Variants in OCA2 observed in about 807,000 individuals in gnomAD.
OCA2 encodes OCA2 melanosomal transmembrane protein, also known as P protein.
Under a neutral mutation model 100.2 loss-of-function variants are expected in OCA2, and 77 were observed. The ratio of observed to expected loss-of-function variants is 0.77; its 90% CI spans 0.64 to 0.93. OCA2 has a LOEUF of 0.93. Ranked by LOEUF, OCA2 falls within the 40% of genes least tolerant of loss-of-function variation. The pLI, the probability that OCA2 is intolerant of heterozygous loss-of-function variation, is 0.00. For missense variants in OCA2, 1,062 were observed against 1,089.1 expected (o/e 0.98, Z 0.35); for synonymous variants, 432 against 439.2 (o/e 0.98, Z 0.21).
At chr15:27,732,894 C>T in the OCA2 span, among the ~76,000 whole-genome samples, 1 of 152,190 alleles carries the variant, frequency 6.6e-6, no homozygotes, top group Non-Finnish European at 1.5e-5. Flanking sequence ...AGGAAGAACT[C>T]AATTTGATTG....
intron 19 of OCA2, among the ~76,000 whole-genome samples, chr15:27,909,054 A>G (rs1423988383): frequency 3.3e-5 from 5 of 152,184 alleles, no homozygotes; most frequent in African/African-American, 1.2e-4. Context: ...TTAGACAGGG[A>G]TATCAACTAA....
chr15:27,968,986 CAA>C (rs61334149), intron 14 of OCA2, among the ~76,000 whole-genome samples: 27,164 of 97,798 alleles, frequency 0.28, 3,627 homozygotes, highest in East Asian at 0.83. Context: ...AACTCAGAGG[CAA>C]AAAAAAAAAA....
intron 1 of OCA2, among the ~76,000 whole-genome samples, chr15:28,089,573 C>T (rs2044837906): frequency 6.6e-6 from 1 of 151,988 alleles, no homozygotes; most frequent in Non-Finnish European, 1.5e-5. Flanking sequence ...AAATGGAATT[C>T]TAAAAAAAAT....
Position 27,818,699 on chromosome 15 carries a change from G to A in OCA2, c.2432+26260C>T, listed in dbSNP as rs115572473. Among the ~76,000 whole-genome samples, 911 of 152,272 alleles carry A rather than the reference G, an allele frequency of 6.0e-3. 14 individuals carry two copies. The highest frequency in any genetic ancestry group is 0.02 in the African/African-American group (827 of 41,550). On this transcript the variant is annotated intron_variant, in intron 23 of 23. Coordinates refer to ENST00000354638, the MANE Select transcript of OCA2 (RefSeq NM_000275.3). ...GAGAGACCATGGAGGAGGCTGTTGG[G>A]AGAAAACACTCTACTGAGCTCTTGC...
intron 23 of OCA2, among the ~76,000 whole-genome samples, chr15:27,824,704 A>G (rs565610938): frequency 6.6e-6 from 1 of 150,572 alleles, no homozygotes; most frequent in Admixed American, 6.6e-5. Flanking sequence ...ATCTCCGGCC[A>G]GCTGCTAGCT....
chr15:28,034,119 A>C (rs974252628), intron 2 of OCA2, among the ~76,000 whole-genome samples: 1 of 152,122 alleles, frequency 6.6e-6, no homozygotes, highest in African/African-American at 2.4e-5. Context: ...CCCCATCTCT[A>C]TGGAAAATAA....
rs532294092 is a variant in OCA2, at chr15:27,798,319, T to A, written c.2433-42847A>T. 2.0e-5 allele frequency among the ~76,000 whole-genome samples: 3 copies of A among 152,264 alleles called. No individual in the cohort carries two copies. In the East Asian group the frequency reaches 5.8e-4, roughly 29 times the overall value. ...AGAGGTGGGAATAACAAACATCCAA[T>A]TTTTTGGTGATACTTTTTCCCCAAA... On this transcript the variant is annotated intron_variant, in intron 23 of 23. Coordinates refer to ENST00000354638, the MANE Select transcript of OCA2 (RefSeq NM_000275.3).
chr15:27,731,589 A>G, the OCA2 span, among the ~76,000 whole-genome samples: 15 of 152,194 alleles, frequency 9.9e-5, no homozygotes, highest in African/African-American at 3.4e-4. Context: ...TCTTTCTTTG[A>G]TTTAATGAGG....
chr15:27,872,910 G>A (rs4778126), intron 19 of OCA2, among the ~76,000 whole-genome samples: 37,127 of 151,958 alleles, frequency 0.24, 5,602 homozygotes, highest in East Asian at 0.56. Context: ...GGCTGGTCTC[G>A]AACTCGTGAC....
At chr15:27,849,967 A>G (rs1415989683) in intron 22 of OCA2, among the ~76,000 whole-genome samples, 1 of 152,152 alleles carries the variant, frequency 6.6e-6, no homozygotes, top group Non-Finnish European at 1.5e-5. Context: ...CAGAGCTACT[A>G]GATTAAAACG....
intron 2 of OCA2, among the ~76,000 whole-genome samples, chr15:28,064,161 G>T (rs1052370227): frequency 2.6e-5 from 4 of 152,038 alleles, no homozygotes; most frequent in Non-Finnish European, 4.4e-5. Flanking sequence ...AAAATCAACT[G>T]TGCATGTAAT....
At chr15:27,760,452 A>C (rs1337356911) in intron 23 of OCA2, among the ~76,000 whole-genome samples, 4 of 151,956 alleles carry the variant, frequency 2.6e-5, no homozygotes, top group African/African-American at 9.7e-5. Flanking sequence ...AAGAAAAGAA[A>C]TAATAAAGAT....
At chr15:27,922,991 T>C (rs909590763) in intron 19 of OCA2, among the ~76,000 whole-genome samples, 1 of 152,126 alleles carries the variant, frequency 6.6e-6, no homozygotes, top group African/African-American at 2.4e-5. Context: ...TAGGCCCCAG[T>C]GTGTGTTGTT....
the OCA2 span, among the ~76,000 whole-genome samples, chr15:27,741,598 C>CA: frequency 6.6e-6 from 1 of 152,136 alleles, no homozygotes; most frequent in Admixed American, 6.5e-5. Flanking sequence ...GGAGTGGGGA[C>CA]AAAGTCCAGC....
chr15:27,922,916 T>C (rs2038917312), intron 19 of OCA2, among the ~76,000 whole-genome samples: 1 of 152,132 alleles, frequency 6.6e-6, no homozygotes, highest in Non-Finnish European at 1.5e-5. Flanking sequence ...CACCCAGGTA[T>C]TAAGCCTAGC....
Position 27,926,219 on chromosome 15 carries a change from T to C in OCA2, c.1987A>G (p.Ile663Val). 6.2e-7 allele frequency: 1 copy of C among 1,614,102 alleles called. No homozygotes were observed. The highest frequency in any genetic ancestry group is 2.2e-5 in the East Asian group (1 of 44,864). The change falls in exon 19 of 24, where the codon ATT becomes GTT. Residue 663 changes from isoleucine to valine, a missense_variant. Physicochemically the swap from Ile to Val is conservative, Grantham distance 29 (BLOSUM62 3). Transcript: ENST00000354638. ...IAILGAIWLL[I>V]LADIHDFEII... ...TCAAAATCATGAATATCAGCTAAAATTAGCAACCAGATGGCACCCAGAATA... is the reference window on the plus strand; with the variant it reads ...TCAAAATCATGAATATCAGCTAAAACTAGCAACCAGATGGCACCCAGAATA...
Position 27,859,262 on chromosome 15 carries a change from T to C in OCA2, c.2245-7787A>G, listed in dbSNP as rs534902097. Among the ~76,000 whole-genome samples the C allele has an allele frequency of 7.2e-5, 11 of 152,190 alleles. No homozygotes were observed. In the South Asian group the frequency reaches 2.1e-3, roughly 29 times the overall value. On this transcript the variant is annotated intron_variant, in intron 21 of 23. Transcript: ENST00000354638. ...TGATTCCTTGAAAGGATCGACGATA[T>C]TGTCAAAGTTTTATCTAGATTGACT...
intron 23 of OCA2, among the ~76,000 whole-genome samples, chr15:27,800,650 C>G (rs954475344): frequency 6.6e-6 from 1 of 151,980 alleles, no homozygotes; most frequent in Non-Finnish European, 1.5e-5. Context: ...AAAGAGATAA[C>G]AGGAATAGCC....
chr15:27,849,945 C>A (rs1377762793), intron 22 of OCA2, among the ~76,000 whole-genome samples: 1 of 152,130 alleles, frequency 6.6e-6, no homozygotes. Context: ...GGAACAGGTG[C>A]CTTTCAATCG....
Sources: allele counts gnomAD v4.1 joint callset (sites outside exome capture counted in the v4.1 genomes callset), GRCh38; gene constraint gnomAD v4.1.1; transcripts MANE v1.5; gene names NCBI Gene and HGNC (gene_info 2026-07-23, HGNC 2026-07-21).